TONSL: variants seen among roughly 807,000 people sequenced by gnomAD.
TONSL encodes the protein tonsoku-like protein.
A neutral mutation model predicts 147.1 loss-of-function variants in TONSL; 112 were observed. That is an observed-to-expected ratio of 0.76 (90% CI 0.65 to 0.89). TONSL has a LOEUF of 0.89. TONSL is among the 40% of genes least tolerant of loss of function. The pLI, the probability that TONSL is intolerant of heterozygous loss-of-function variation, is 0.00. For synonymous variants in TONSL, 868 were observed against 801.5 expected (o/e 1.08, Z -1.40); for missense variants, 1,883 against 1,864.6 (o/e 1.01, Z -0.18).
intron 22 of TONSL, chr8:144,432,729 C>T: frequency 2.7e-6 from 1 of 371,980 alleles, no homozygotes; most frequent in South Asian, 7.7e-5. Flanking sequence ...CATGCCTCTG[C>T]ACAGTGGGGG....
intron 17 of TONSL, 32 bp downstream of exon 17, chr8:144,435,626 G>GA (rs779082126): frequency 6.3e-7 from 1 of 1,584,118 alleles, no homozygotes; most frequent in Non-Finnish European, 8.6e-7. Flanking sequence ...CCGGAGTGGG[G>GA]AGAGGGCTCT....
In TONSL at chr8:144,432,424, T is replaced by C; in HGVS notation, c.3596A>G (p.Asn1199Ser). 6.3e-7 allele frequency: 1 copy of C among 1,581,526 alleles called. No individual in the cohort carries two copies. Among genetic ancestry groups the C allele is most frequent in the Admixed American group, 1.9e-5 (1 of 52,984 alleles). ...GGCCAGGGCAGGGGCTCCCAGGGCG[T>C]TGTAGGACAGGGACAGGGTCTTCAG... ...EHLKTLSLSY[N>S]ALGAPALART... Residue 1199 changes from asparagine (N) to serine (S), a missense_variant, in exon 23 of 26, where the codon AAC becomes AGC. Coordinates refer to ENST00000409379, the MANE Select transcript of TONSL (RefSeq NM_013432.5).
chr8:144,436,233 T>A lies in TONSL; in HGVS notation c.2200A>T (p.Arg734Trp). Residue 734 changes from arginine (R) to tryptophan (W), a missense_variant, in exon 17 of 26, where the codon AGG becomes TGG. Coordinates refer to ENST00000409379, the MANE Select transcript of TONSL (RefSeq NM_013432.5). ...APAMARPRRS[R>W]HGPASSSSSS... ...CTGCTGCTGCTGGCTGGCCCATGCC[T>A]GCTCCTCCGAGGCCTGGCCATGGCT... The A allele has an allele frequency of 6.4e-7, 1 of 1,554,300 alleles. No homozygotes were observed. Among genetic ancestry groups the A allele is most frequent in the African/African-American group, 1.3e-5 (1 of 74,234 alleles).
chr8:144,437,150 C>T lies in TONSL; in HGVS notation c.1654-51G>A, dbSNP rs764687073. Reference sequence around the variant, plus strand: ...TGGCCCTGTGTACCTCACAGCCTGGCCCCAGCCCCGTGAGCTCTGCAGCCT... The same window carrying T: ...TGGCCCTGTGTACCTCACAGCCTGGTCCCAGCCCCGTGAGCTCTGCAGCCT... On this transcript the variant is annotated intron_variant, in intron 13 of 25. Coordinates refer to ENST00000409379, the MANE Select transcript of TONSL (RefSeq NM_013432.5). 1.0e-5 allele frequency: 16 copies of T among 1,575,218 alleles called. No individual in the cohort carries two copies. The Admixed American group carries it at 2.8e-4, about 28-fold the overall frequency.
rs767466576 is a variant in TONSL at position 144,435,887 on chromosome 8, C to T, written c.2546G>A (p.Arg849His). 206 of 1,597,786 alleles carry T rather than the reference C, an allele frequency of 1.3e-4. No homozygotes were observed. The highest frequency in any genetic ancestry group is 1.7e-4 in the Middle Eastern group (1 of 6,026). The change falls in exon 17 of 26, where the codon CGC (arginine) becomes CAC (histidine). Residue 849 changes from arginine to histidine, a missense_variant. Transcript: ENST00000409379. ...GCGGTTGTCTCCAGTGCCCCGGGGG[C>T]GGGGCCGGCGGCTGCGGGTCAGGGG... ...DMPLTRSRRPRPRGTGDNRRP... is the reference protein window; with the variant it reads ...DMPLTRSRRPHPRGTGDNRRP...
At chr8:144,440,307 T>C in intron 10 of TONSL, 44 bp downstream of exon 10, 3 of 1,562,756 alleles carry the variant, frequency 1.9e-6, no homozygotes, top group Non-Finnish European at 2.6e-6. Flanking sequence ...GCAACGAAGC[T>C]GGGCTCACCG....
intron 23 of TONSL, 92 bp downstream of exon 23, chr8:144,432,193 C>A: frequency 7.1e-7 from 1 of 1,405,468 alleles, no homozygotes; most frequent in African/African-American, 1.4e-5. Context: ...CGAGTTCAGC[C>A]CGAATCTGGG....
rs750887178 is a variant in TONSL, at chr8:144,442,822, CCAAA to C, written c.449-20_449-17del. Reference sequence around the variant, plus strand: ...GCCAGTGTCCCTGGAAGATACCCCCCCAAACACTCAGCCACTTCCTCCCCACATG... The same window carrying C: ...GCCAGTGTCCCTGGAAGATACCCCCCCACTCAGCCACTTCCTCCCCACATG... On this transcript the variant is annotated splice_polypyrimidine_tract_variant and intron_variant, in intron 4 of 25. Coordinates refer to ENST00000409379, the MANE Select transcript of TONSL (RefSeq NM_013432.5). 4.4e-6 allele frequency: 7 copies of C among 1,605,112 alleles called. No homozygotes were observed. The African/African-American group carries it at 5.4e-5, about 12-fold the overall frequency.
Position 144,435,062 on chromosome 8 carries a change from C to A in TONSL, c.2961G>T (p.Leu987=). 1 of 1,611,628 alleles carries A rather than the reference C, an allele frequency of 6.2e-7. No homozygotes were observed. Residue 987 remains leucine, a synonymous_variant, in exon 19 of 26, where the codon CTG becomes CTT. Transcript: ENST00000409379. ...RLTLRKEGAL[L]APQDLIPDVL... ...CATCAGGGATGAGGTCCTGTGGGGC[C>A]AGCAGGGCCCCCTCTTTCCGTAGGG...
chr8:144,435,335 G>T, intron 18 of TONSL, 139 bp downstream of exon 18: 1 of 1,232,742 alleles, frequency 8.1e-7, no homozygotes, highest in Non-Finnish European at 1.1e-6. Context: ...CAGCCCCTCT[G>T]CTATTCCTGG....
intron 7 of TONSL, 162 bp from the exon 8 acceptor site, chr8:144,441,273 C>A: frequency 9.7e-7 from 1 of 1,033,024 alleles, no homozygotes. Flanking sequence ...GGGGACTGGT[C>A]TCAAGGGTCA....
At chr8:144,429,460 G>C in intron 25 of TONSL, 124 bp from the exon 26 acceptor site, 1 of 881,626 alleles carries the variant, frequency 1.1e-6, no homozygotes, top group Non-Finnish European at 1.6e-6. Context: ...GAGGGGCAGT[G>C]GGCAGAGCTC....
At chr8:144,430,608 C>T in intron 24 of TONSL, 71 bp from the exon 25 acceptor site, 5 of 1,516,354 alleles carry the variant, frequency 3.3e-6, no homozygotes, top group Non-Finnish European at 4.4e-6. Flanking sequence ...AGGAAAGCTG[C>T]CCAGACAAAT....
chr8:144,443,081 C>T (rs1823781310), intron 4 of TONSL, 57 bp downstream of exon 4: 2 of 1,522,152 alleles, frequency 1.3e-6, no homozygotes, highest in Non-Finnish European at 1.8e-6. Context: ...GGGTGCTGGG[C>T]TGCAGCCTCT....
rs143637335 is a variant in TONSL at position 144,432,384 on chromosome 8, G to A, written c.3636C>T (p.Ser1212=). The A allele has an allele frequency of 8.7e-6, 14 of 1,611,708 alleles. No homozygotes were observed. The Admixed American group carries it at 1.7e-4, about 19-fold the overall frequency. Residue 1212 remains serine (S), a synonymous_variant, in exon 23 of 26, where the codon AGC becomes AGT. Coordinates refer to ENST00000409379, the MANE Select transcript of TONSL (RefSeq NM_013432.5). ...GAPALARTLQ[S]LPAGTLLHLE... ...AGTGCAGGAGGGTGCCGGCGGGCAG[G>A]CTCTGCAGGGTCCTGGCCAGGGCAG...
At chr8:144,433,781 AG>A in intron 21 of TONSL, 22 bp from the exon 22 acceptor site, 1 of 1,546,890 alleles carries the variant, frequency 6.5e-7, no homozygotes, top group African/African-American at 1.4e-5. Context: ...ACAGGCTGGC[AG>A]TGAGCCCCCA....
Position 144,429,210 on chromosome 8 carries a change from G to T in TONSL, c.4070C>A (p.Pro1357His), listed in dbSNP as rs1823059973. ...GCACTCGCCGGGGCCCGGCCGACTG[G>T]GCTGCAGCTGGCGCAGGGCGTCCCT... ...EDRDALRQLQ[P>H]SRPGPGECTL... is the part of the protein sequence containing the mutation. Residue 1357 changes from proline to histidine, a missense_variant, in exon 26 of 26, where the codon CCC becomes CAC. Transcript: ENST00000409379. 6.5e-7 allele frequency: 1 copy of T among 1,535,402 alleles called. No homozygotes were observed.
intron 2 of TONSL, 58 bp downstream of exon 2, chr8:144,444,122 A>G: frequency 7.7e-7 from 1 of 1,304,632 alleles, no homozygotes; most frequent in South Asian, 2.3e-5. Context: ...CCGGCCCCCG[A>G]TCCCGGCCCG....
At chr8:144,440,553 G>T in intron 9 of TONSL, 77 bp from the exon 10 acceptor site, 1 of 1,530,452 alleles carries the variant, frequency 6.5e-7, no homozygotes, top group Non-Finnish European at 8.8e-7. Context: ...TTCCCCGGCT[G>T]CCCAGACGAA....
Sources: allele counts gnomAD v4.1 joint callset, GRCh38; gene constraint gnomAD v4.1.1; transcripts MANE v1.5; gene names NCBI Gene and HGNC (gene_info 2026-07-23, HGNC 2026-07-21).